Variants in NSMCE2 observed in about 807,000 individuals in gnomAD.
NSMCE2 encodes the protein E3 SUMO-protein ligase NSE2.
A neutral mutation model predicts 23.8 loss-of-function variants in NSMCE2; 24 were observed. The observed-to-expected ratio is 1.01, with a 90% CI of 0.73 to 1.42. NSMCE2 has a LOEUF of 1.42. Among genes scored for constraint, NSMCE2 ranks in the 40% most tolerant of loss-of-function variants. The pLI, the probability that NSMCE2 is intolerant of heterozygous loss-of-function variation, is 0.00. For missense variants in NSMCE2, 284 were observed against 296.5 expected, an observed-to-expected ratio of 0.96 and a Z score of 0.31; for synonymous variants, 92 against 94.1, an observed-to-expected ratio of 0.98 and a Z score of 0.13.
chr8:125,342,501 A>C (rs900394535), intron 5 of NSMCE2, among the ~76,000 whole-genome samples: 1 of 148,570 alleles, frequency 6.7e-6, no homozygotes, highest in Non-Finnish European at 1.5e-5. Context: ...GTGGACAAGG[A>C]GGGGGTGGGT....
intron 3 of NSMCE2, 76 bp downstream of exon 3, chr8:125,102,563 T>C (rs1048948419): frequency 1.7e-6 from 2 of 1,160,724 alleles, no homozygotes; most frequent in African/African-American, 1.5e-5. Flanking sequence ...GGGGTGCCTT[T>C]TGAGTATCCT....
chr8:125,359,124 G>A (rs1021489036), intron 7 of NSMCE2, among the ~76,000 whole-genome samples: 9 of 151,600 alleles, frequency 5.9e-5, no homozygotes, highest in African/African-American at 1.7e-4. Context: ...AAAATTAGCC[G>A]GGCGTGGTGG....
At chr8:125,355,122 A>C (rs1242232687) in intron 5 of NSMCE2, among the ~76,000 whole-genome samples, 2 of 152,214 alleles carry the variant, frequency 1.3e-5, no homozygotes, top group South Asian at 4.1e-4. Flanking sequence ...TCTGGTCCCA[A>C]GCATTTCGGA....
intron 5 of NSMCE2, among the ~76,000 whole-genome samples, chr8:125,225,687 T>C (rs1342887416): frequency 2.0e-5 from 3 of 152,256 alleles, no homozygotes; most frequent in South Asian, 4.1e-4. Context: ...TATTTCTTGA[T>C]ATATTTTATA....
chr8:125,337,884 C>CAAAAAAAAAAAAAAAAAAAAAAAA (rs35658538), intron 5 of NSMCE2, among the ~76,000 whole-genome samples: 1 of 97,376 alleles, frequency 1.0e-5, no homozygotes, highest in Non-Finnish European at 2.0e-5. Flanking sequence ...AACTCTATCT[C>CAAAAAAAAAAAAAAAAAAAAAAAA]AAAAAAAAAA....
chr8:125,203,740 G>A (rs1823989543), intron 5 of NSMCE2, among the ~76,000 whole-genome samples: 1 of 152,146 alleles, frequency 6.6e-6, no homozygotes, highest in South Asian at 2.1e-4. Context: ...AGTCTCTTGA[G>A]ATTACAAGGT....
At chr8:125,357,913 C>G in intron 7 of NSMCE2, 95 bp downstream of exon 7, 1 of 814,364 alleles carries the variant, frequency 1.2e-6, no homozygotes, top group Non-Finnish European at 2.1e-6. Flanking sequence ...TTCAATGTCT[C>G]TTCTAAATTC....
At chr8:125,095,687 G>C (rs1817892923) in intron 1 of NSMCE2, among the ~76,000 whole-genome samples, 1 of 151,998 alleles carries the variant, frequency 6.6e-6, no homozygotes. Context: ...TTGAGGTCAG[G>C]AGTTTGAGAC....
intron 3 of NSMCE2, among the ~76,000 whole-genome samples, chr8:125,120,939 C>G (rs7835561): frequency 1.0e-3 from 159 of 152,280 alleles, no homozygotes; most frequent in African/African-American, 3.7e-3. Flanking sequence ...TTTACCCTTC[C>G]CTCTTCATTC....
chr8:125,140,395 G>C (rs975245678), intron 3 of NSMCE2, among the ~76,000 whole-genome samples: 29 of 152,324 alleles, frequency 1.9e-4, no homozygotes, highest in African/African-American at 6.5e-4. Context: ...AGGCACAGTG[G>C]CTCACGCCTG....
intron 3 of NSMCE2, among the ~76,000 whole-genome samples, chr8:125,144,748 C>T (rs1820580639): frequency 6.6e-6 from 1 of 152,158 alleles, no homozygotes; most frequent in Non-Finnish European, 1.5e-5. Flanking sequence ...CTTGTTTGTG[C>T]CTCATTCATC....
At chr8:125,244,315 T>A (rs1181624917) in intron 5 of NSMCE2, among the ~76,000 whole-genome samples, 1 of 152,068 alleles carries the variant, frequency 6.6e-6, no homozygotes, top group Admixed American at 6.6e-5. Flanking sequence ...ATGAATAATT[T>A]CCTAAGTTAC....
intron 3 of NSMCE2, among the ~76,000 whole-genome samples, chr8:125,133,776 C>A (rs1183629582): frequency 6.7e-6 from 1 of 148,244 alleles, no homozygotes; most frequent in African/African-American, 2.6e-5. Flanking sequence ...AAAACAAAAA[C>A]CAAAACAAAA....
intron 4 of NSMCE2, among the ~76,000 whole-genome samples, chr8:125,159,919 C>T (rs1352748413): frequency 1.3e-5 from 2 of 150,588 alleles, no homozygotes; most frequent in Admixed American, 1.3e-4. Context: ...ATGATGGCGC[C>T]ACTGCACTCC....
At chr8:125,333,170 T>A (rs892318875) in intron 5 of NSMCE2, among the ~76,000 whole-genome samples, 2 of 148,258 alleles carry the variant, frequency 1.3e-5, no homozygotes, top group Admixed American at 1.4e-4. Flanking sequence ...TTTTTTTTTT[T>A]CTTTTTATCT....
chr8:125,312,091 A>G (rs1228522411), intron 5 of NSMCE2, among the ~76,000 whole-genome samples: 1 of 127,634 alleles, frequency 7.8e-6, no homozygotes, highest in Non-Finnish European at 1.9e-5. Context: ...AAAAAAAAAA[A>G]AAGAAAGAAA....
chr8:125,188,468 G>C (rs925842678), intron 5 of NSMCE2, among the ~76,000 whole-genome samples: 2 of 152,170 alleles, frequency 1.3e-5, no homozygotes, highest in Non-Finnish European at 2.9e-5. Flanking sequence ...CCAGCCTATT[G>C]TTGCTGTGAG....
At chr8:125,151,469 G>A (rs1000120138) in intron 4 of NSMCE2, 192 bp downstream of exon 4, 2 of 399,784 alleles carry the variant, frequency 5.0e-6, no homozygotes, top group African/African-American at 4.1e-5. Context: ...GGCCACTTAG[G>A]TTGATTAACA....
intron 3 of NSMCE2, among the ~76,000 whole-genome samples, chr8:125,149,964 T>C (rs1420329935): frequency 1.3e-5 from 2 of 152,164 alleles, no homozygotes; most frequent in African/African-American, 4.8e-5. Flanking sequence ...CTCCAGAAAG[T>C]AGTTATATTT....
Sources: allele counts gnomAD v4.1 joint callset (sites outside exome capture counted in the v4.1 genomes callset), GRCh38; gene constraint gnomAD v4.1.1; transcripts MANE v1.5; gene names NCBI Gene and HGNC (gene_info 2026-07-23, HGNC 2026-07-21).